Variants in NACC2 observed in about 807,000 individuals in gnomAD.
NACC2 encodes nucleus accumbens-associated protein 2.
In NACC2, 8 loss-of-function variants were observed where a neutral mutation model predicts 25.1. The observed-to-expected ratio is 0.32, with a 90% CI of 0.19 to 0.57. NACC2 has a LOEUF of 0.57. Ranked by LOEUF, NACC2 falls within the 20% of genes least tolerant of loss-of-function variation. NACC2 has a pLI of 0.89. For missense variants in NACC2, 644 were observed against 650.2 expected, an observed-to-expected ratio of 0.99 and a Z score of 0.10; for synonymous variants, 435 against 294.7, an observed-to-expected ratio of 1.48 and a Z score of -4.88.
chr9:136,018,569 G>A lies in NACC2; in HGVS notation c.887-2140C>T, dbSNP rs1397529877. On this transcript the variant is annotated intron_variant, in intron 2 of 5. Transcript: ENST00000277554. The surrounding 1 kb of genome is among the most constrained non-coding windows in gnomAD (Gnocchi z 4.4). ...GATGAGCGTGGTACGCACTGCACCT[G>A]TCAGTCCCAGGAAGGGGAGCTTCCC... Among the ~76,000 whole-genome samples the A allele has an allele frequency of 1.3e-5, 2 of 152,076 alleles. No individual in the cohort carries two copies. The highest frequency in any genetic ancestry group is 1.3e-4 in the Admixed American group (2 of 15,288).
intron 2 of NACC2, among the ~76,000 whole-genome samples, chr9:136,025,988 A>G (rs1840380987): frequency 6.6e-6 from 1 of 152,216 alleles, no homozygotes; most frequent in Non-Finnish European, 1.5e-5. Context: ...TAAATAGTGC[A>G]GATGAGATTT....
intron 2 of NACC2, among the ~76,000 whole-genome samples, chr9:136,045,500 C>G (rs1049647147): frequency 1.3e-5 from 2 of 152,216 alleles, no homozygotes; most frequent in South Asian, 4.1e-4. Context: ...AATTAAACAT[C>G]TGCCCGCCCG....
chr9:136,058,407 A>G (rs1436890132), intron 1 of NACC2, among the ~76,000 whole-genome samples: 1 of 152,246 alleles, frequency 6.6e-6, no homozygotes, highest in Non-Finnish European at 1.5e-5. Flanking sequence ...GTCCGGCGGA[A>G]GCAGCAGGCA....
At chr9:136,043,682 A>G (rs1340702495) in intron 2 of NACC2, among the ~76,000 whole-genome samples, 1 of 152,238 alleles carries the variant, frequency 6.6e-6, no homozygotes. Flanking sequence ...CCGTGGGGCC[A>G]GGATGGGGTA....
intron 1 of NACC2, among the ~76,000 whole-genome samples, chr9:136,087,930 C>A (rs1046871141): frequency 6.6e-6 from 1 of 152,152 alleles, no homozygotes; most frequent in African/African-American, 2.4e-5. Context: ...GCCCAGTTTC[C>A]CACCCCGGGG....
intron 1 of NACC2, among the ~76,000 whole-genome samples, chr9:136,057,991 A>T (rs1038203717): frequency 2.6e-5 from 4 of 152,128 alleles, no homozygotes; most frequent in African/African-American, 9.7e-5. Context: ...TCTGCATATC[A>T]TGCCATAAAT....
rs1033652861 is a variant in NACC2 at position 136,070,250 on chromosome 9, G to A, written c.-59-19670C>T. 2.0e-5 allele frequency among the ~76,000 whole-genome samples: 3 copies of A among 151,184 alleles called. No individual in the cohort carries two copies. In the East Asian group the frequency reaches 5.8e-4, roughly 29 times the overall value. On this transcript the variant is annotated intron_variant, in intron 1 of 5. Transcript: ENST00000277554. ...GGGCCGGGCGTGGTGGCTCACGCCT[G>A]TAATCCTAGCATTTTGGGAGGCCGG... is the stretch of plus-strand genomic sequence containing the variant.
chr9:136,040,237 C>T (rs1840608163), intron 2 of NACC2, among the ~76,000 whole-genome samples: 4 of 151,346 alleles, frequency 2.6e-5, no homozygotes, highest in Admixed American at 1.3e-4. Flanking sequence ...CCCAGCTACT[C>T]GGGAGGCTGA....
rs144153703 is a variant in NACC2, at chr9:136,011,978, G to A, written c.1302C>T (p.Asn434=). The change falls in exon 6 of 6, where the codon AAC becomes AAT. Residue 434 remains asparagine, a synonymous_variant. Transcript: ENST00000277554. ...TGGTGCACATGTCCGCGGCGATCAC[G>A]TTCATCTCGCTCTCCTTGAAGCTGG... is the stretch of plus-strand genomic sequence containing the variant. The part of the protein sequence containing the change: ...FAPSFKESEM[N]VIAADMCTNA... The A allele has an allele frequency of 4.4e-6, 7 of 1,604,852 alleles. No individual in the cohort carries two copies. The African/African-American group carries it at 6.7e-5, about 15-fold the overall frequency.
At chr9:136,045,547 G>A (rs906549361) in intron 2 of NACC2, among the ~76,000 whole-genome samples, 9 of 152,194 alleles carry the variant, frequency 5.9e-5, no homozygotes, top group South Asian at 2.1e-4. Context: ...ATGGCCGGGC[G>A]AGCCCCATCA....
In NACC2 at chr9:136,062,114, A is replaced by AGACAGGACAGGACAGGACAG. The variant is rs10597829; in HGVS notation, c.-59-11554_-59-11535dup. 4.4e-3 allele frequency among the ~76,000 whole-genome samples: 630 copies of AGACAGGACAGGACAGGACAG among 142,538 alleles called. 7 individuals carry two copies. The highest frequency in any genetic ancestry group is 0.015 in the African/African-American group (556 of 37,386). The allele number at this position is 142,538 out of a possible 152,430, so 93.5% of individuals were successfully genotyped here. On this transcript the variant is annotated intron_variant, in intron 1 of 5. Coordinates refer to ENST00000277554, the MANE Select transcript of NACC2 (RefSeq NM_144653.5). ...GTACTCCAGCCTGGGCAACAGAGCG[A>AGACAGGACAGGACAGGACAG]GACAGGACAGGACAGGACAGGACAG...
chr9:136,091,586 T>C (rs562952829), intron 1 of NACC2, among the ~76,000 whole-genome samples: 29 of 152,246 alleles, frequency 1.9e-4, no homozygotes, highest in African/African-American at 6.0e-4. Flanking sequence ...AAGCAACCAA[T>C]ACTTCCAGAC....
intron 1 of NACC2, among the ~76,000 whole-genome samples, chr9:136,051,738 C>T (rs927480148): frequency 1.3e-5 from 2 of 152,150 alleles, no homozygotes; most frequent in Non-Finnish European, 2.9e-5. Flanking sequence ...CTACCTTCAG[C>T]CGCTGCGGCC....
intron 1 of NACC2, among the ~76,000 whole-genome samples, chr9:136,087,401 G>C (rs1830390053): frequency 6.6e-6 from 1 of 152,174 alleles, no homozygotes; most frequent in Non-Finnish European, 1.5e-5. Flanking sequence ...CCTGTCACCT[G>C]CACAGCTGCA....
chr9:136,016,986 T>C (rs1323998239), intron 2 of NACC2, among the ~76,000 whole-genome samples: 1 of 152,092 alleles, frequency 6.6e-6, no homozygotes, highest in Non-Finnish European at 1.5e-5. Flanking sequence ...CAAGGGGCAG[T>C]GGGGCATGGC....
At chr9:136,089,452 G>C (rs552136062) in intron 1 of NACC2, among the ~76,000 whole-genome samples, 1 of 152,108 alleles carries the variant, frequency 6.6e-6, no homozygotes, top group Non-Finnish European at 1.5e-5. Context: ...GGCCCTTCAG[G>C]TTCTGCTCTG....
intron 1 of NACC2, among the ~76,000 whole-genome samples, chr9:136,066,706 G>A (rs11103302): frequency 0.43 from 65,546 of 151,976 alleles, 14,917 homozygotes; most frequent in Non-Finnish European, 0.49. Flanking sequence ...AGTATCATTT[G>A]CAATAGCCAA....
In NACC2 at chr9:136,063,272, C is replaced by T. The variant is rs566466069; in HGVS notation, c.-59-12692G>A. On this transcript the variant is annotated intron_variant, in intron 1 of 5. Transcript: ENST00000277554. Reference sequence around the variant, plus strand: ...AGAGCACCTGGGAGCAACGCACCAGCGAGGGGGCCCTGGAGGCTGGGGTCT... The same window carrying T: ...AGAGCACCTGGGAGCAACGCACCAGTGAGGGGGCCCTGGAGGCTGGGGTCT... Among the ~76,000 whole-genome samples the T allele has an allele frequency of 2.6e-5, 4 of 152,260 alleles. No individual in the cohort carries two copies. The East Asian group carries it at 5.8e-4, about 22-fold the overall frequency.
chr9:136,030,627 A>C (rs913506685), intron 2 of NACC2, among the ~76,000 whole-genome samples: 1 of 151,888 alleles, frequency 6.6e-6, no homozygotes, highest in Non-Finnish European at 1.5e-5. Context: ...AAATAAAAAG[A>C]GGGTACTGGA....
Sources: allele counts gnomAD v4.1 joint callset (sites outside exome capture counted in the v4.1 genomes callset), GRCh38; gene constraint gnomAD v4.1.1; non-coding constraint Gnocchi (gnomAD v3.1); transcripts MANE v1.5; gene names NCBI Gene and HGNC (gene_info 2026-07-23, HGNC 2026-07-21).